Variants in ASAP1 observed in about 807,000 individuals in gnomAD.
The protein encoded by ASAP1 is ArfGAP with SH3 domain, ankyrin repeat and PH domain 1.
Under a neutral mutation model 145.2 loss-of-function variants are expected in ASAP1, and 43 were observed. The observed-to-expected ratio is 0.30, with a 90% CI of 0.23 to 0.38. The LOEUF (loss-of-function observed/expected upper bound fraction) is 0.38, where lower values mean the gene tolerates loss of function less well. Among genes scored for constraint, ASAP1 ranks in the 10% least tolerant of loss-of-function variants. ASAP1 has a pLI of 1.00. For synonymous variants in ASAP1, 546 were observed against 515.5 expected, an observed-to-expected ratio of 1.06 and a Z score of -0.80; for missense variants, 1,018 against 1,355.3, an observed-to-expected ratio of 0.75 and a Z score of 3.91.
intron 25 of ASAP1, 132 bp downstream of exon 25, chr8:130,091,841 T>A: frequency 1.0e-6 from 1 of 969,156 alleles, no homozygotes; most frequent in East Asian, 2.9e-5. Context: ...ATGTCATATA[T>A]ACCCGAGTCA....
chr8:130,173,911 A>G (rs1033393297), intron 9 of ASAP1, among the ~76,000 whole-genome samples: 18 of 144,828 alleles, frequency 1.2e-4, no homozygotes, highest in Admixed American at 1.4e-4. Context: ...TGTCTCTACT[A>G]AAAAAAAAAG....
chr8:130,437,827 C>A (rs984268345), intron 1 of ASAP1, among the ~76,000 whole-genome samples: 1 of 152,206 alleles, frequency 6.6e-6, no homozygotes, highest in Non-Finnish European at 1.5e-5. Flanking sequence ...GTAACTCCCA[C>A]CACAGCTGGG....
At chr8:130,321,445 C>G (rs535901217) in intron 3 of ASAP1, among the ~76,000 whole-genome samples, 1 of 152,110 alleles carries the variant, frequency 6.6e-6, no homozygotes, top group South Asian at 2.1e-4. Context: ...CCTCCTCAGT[C>G]AATAGGAATG....
chr8:130,107,146 C>T (rs552054812), intron 24 of ASAP1, among the ~76,000 whole-genome samples: 2 of 150,416 alleles, frequency 1.3e-5, no homozygotes, highest in South Asian at 4.2e-4. Flanking sequence ...CAGGATTGGG[C>T]CTTATGAGGA....
chr8:130,135,528 CAA>C (rs78156447), intron 14 of ASAP1, among the ~76,000 whole-genome samples: 49,594 of 151,758 alleles, frequency 0.33, 8,555 homozygotes, highest in East Asian at 0.64. Context: ...CAAAACAAAA[CAA>C]AAAAAAGAAC....
chr8:130,186,231 CT>C (rs1451306020), intron 7 of ASAP1, among the ~76,000 whole-genome samples: 1 of 152,194 alleles, frequency 6.6e-6, no homozygotes, highest in Non-Finnish European at 1.5e-5. Context: ...TTTTTGTTCT[CT>C]GCTGCATTTA....
intron 3 of ASAP1, among the ~76,000 whole-genome samples, chr8:130,310,957 T>C (rs1010018525): frequency 6.6e-6 from 1 of 152,246 alleles, no homozygotes; most frequent in African/African-American, 2.4e-5. Flanking sequence ...CAGTATCTAC[T>C]AAGGCGGCAG....
chr8:130,283,451 G>A (rs1281502031), intron 3 of ASAP1, among the ~76,000 whole-genome samples: 6 of 151,800 alleles, frequency 4.0e-5, no homozygotes, highest in Admixed American at 1.3e-4. Flanking sequence ...GGTGGCATGC[G>A]CGCCTGTAGT....
intron 27 of ASAP1, among the ~76,000 whole-genome samples, chr8:130,064,003 G>A (rs1294006663): frequency 6.6e-6 from 1 of 152,124 alleles, no homozygotes; most frequent in African/African-American, 2.4e-5. Flanking sequence ...AGGAGGGTGT[G>A]GTCAGGGAAG....
rs971901928 is a variant in ASAP1, at chr8:130,231,266, G to A, written c.259+5656C>T. Among the ~76,000 whole-genome samples the A allele has an allele frequency of 1.8e-4, 28 of 152,294 alleles. 1 individual carries two copies. In the Middle Eastern group the frequency reaches 0.014, roughly 74 times the overall value. ...ATGGGAGACAAAAATGTAAGGAAAT[G>A]AGAAAATCAATGGCTGTCTTCCTTG... On this transcript the variant is annotated intron_variant, in intron 4 of 29. Transcript: ENST00000518721.
Position 130,251,868 on chromosome 8 carries a change from A to T in ASAP1, c.187-14874T>A, listed in dbSNP as rs78493260. On this transcript the variant is annotated intron_variant, in intron 3 of 29. Transcript: ENST00000518721. ...CCTTCTAAAGCTGTAAGAAATAGAA[A>T]AAAGAAATTTGGTGAATGGAGAGGC... Among the ~76,000 whole-genome samples the T allele has an allele frequency of 6.4e-4, 98 of 152,360 alleles. No homozygotes were observed. The East Asian group carries it at 0.013, about 21-fold the overall frequency.
At chr8:130,064,722 TC>T in intron 27 of ASAP1, among the ~76,000 whole-genome samples, 1 of 152,144 alleles carries the variant, frequency 6.6e-6, no homozygotes, top group East Asian at 1.9e-4. Flanking sequence ...TGAGGCTCAG[TC>T]CCCCAGAATG....
chr8:130,419,603 C>T (rs1464839185), intron 1 of ASAP1, among the ~76,000 whole-genome samples: 6 of 152,106 alleles, frequency 3.9e-5, no homozygotes, highest in Admixed American at 1.3e-4. Flanking sequence ...CTCCCTTTTC[C>T]GTCTGACTCT....
intron 23 of ASAP1, among the ~76,000 whole-genome samples, chr8:130,113,774 C>CTT: frequency 6.9e-6 from 1 of 144,686 alleles, no homozygotes; most frequent in African/African-American, 2.5e-5. Flanking sequence ...CCCTTATGTA[C>CTT]TTTTTTTTTT....
chr8:130,273,365 C>G (rs1177644475), intron 3 of ASAP1, among the ~76,000 whole-genome samples: 1 of 152,144 alleles, frequency 6.6e-6, no homozygotes, highest in Non-Finnish European at 1.5e-5. Flanking sequence ...CCTCCCAAGG[C>G]AGGGTCACGC....
chr8:130,106,726 C>T (rs2097537352), intron 24 of ASAP1, among the ~76,000 whole-genome samples: 1 of 152,254 alleles, frequency 6.6e-6, no homozygotes, highest in South Asian at 2.1e-4. Context: ...AGCTCATTCA[C>T]AGCCCTTATC....
At chr8:130,194,379 A>G (rs994194565) in intron 5 of ASAP1, among the ~76,000 whole-genome samples, 6 of 151,350 alleles carry the variant, frequency 4.0e-5, no homozygotes, top group Admixed American at 4.0e-4. Flanking sequence ...CACTGGGGGG[A>G]GCAAAAAAAA....
At chr8:130,158,430 G>A (rs1054942502) in intron 12 of ASAP1, among the ~76,000 whole-genome samples, 1 of 151,994 alleles carries the variant, frequency 6.6e-6, no homozygotes, top group Non-Finnish European at 1.5e-5. Context: ...TGGTAGAATC[G>A]CTTGTGCCCA....
intron 3 of ASAP1, among the ~76,000 whole-genome samples, chr8:130,312,471 A>G (rs1426652195): frequency 1.3e-5 from 2 of 151,966 alleles, no homozygotes; most frequent in Non-Finnish European, 2.9e-5. Flanking sequence ...ACCCATTAGG[A>G]ATTCTGGTTT....
Sources: gnomAD v4.1 joint callset for allele counts (sites outside exome capture counted in the v4.1 genomes callset) on GRCh38, gnomAD v4.1.1 for gene constraint, MANE v1.5 for transcripts, NCBI Gene and HGNC (gene_info 2026-07-23, HGNC 2026-07-21) for gene names.